WDR81: variants seen among roughly 807,000 people sequenced by gnomAD.
The protein encoded by WDR81 is WD repeat-containing protein 81.
A neutral mutation model predicts 140.8 loss-of-function variants in WDR81; 92 were observed. That is an observed-to-expected ratio of 0.65 (90% CI 0.55 to 0.78). The LOEUF (loss-of-function observed/expected upper bound fraction) is 0.78. Among genes scored for constraint, WDR81 ranks in the 30% least tolerant of loss-of-function variants. The pLI, the probability that WDR81 is intolerant of heterozygous loss-of-function variation, is 0.00. For synonymous variants in WDR81, 1,183 were observed against 1,156.4 expected (o/e 1.02, Z -0.47); for missense variants, 2,502 against 2,636.4 (o/e 0.95, Z 1.12).
upstream of WDR81, among the ~76,000 whole-genome samples, chr17:1,723,457 T>TTATTTATTTA (rs60606428): frequency 7.7e-6 from 1 of 130,538 alleles, no homozygotes; most frequent in African/African-American, 3.0e-5. Context: ...ATTTATTTAT[T>TTATTTATTTA]TTTATTTATT....
chr17:1,721,959 A>T (rs1313260226), upstream of WDR81, among the ~76,000 whole-genome samples: 4 of 152,064 alleles, frequency 2.6e-5, no homozygotes, highest in Non-Finnish European at 5.9e-5. Flanking sequence ...CCCTGTCTCT[A>T]CTAAAATACA....
Position 1,728,592 on chromosome 17 carries a change from G to A in WDR81, c.3633G>A (p.Glu1211=), listed in dbSNP as rs1173830178. 2 of 1,488,516 alleles carry A rather than the reference G, an allele frequency of 1.3e-6. No homozygotes were observed. Among genetic ancestry groups the A allele is most frequent in the Admixed American group, 4.6e-5 (2 of 43,254 alleles). 92.2% of individuals were successfully genotyped at this position (1,488,516 alleles called of 1,614,324 possible). The change falls in exon 1 of 10, where the codon GAG becomes GAA. Residue 1211 remains glutamate (E), a synonymous_variant. Transcript: ENST00000409644. The part of the protein sequence containing the change: ...DGEEEEEALP[E]QSEGKEQKIL... ...AAGAAGAGGAGGAGGCACTGCCTGA[G>A]CAGTCAGAAGGCAAAGAACAGAAGA...
At chr17:1,737,115 G>A (rs150049760) in intron 9 of WDR81, among the ~76,000 whole-genome samples, 5 of 152,336 alleles carry the variant, frequency 3.3e-5, no homozygotes, top group Admixed American at 6.5e-5. Flanking sequence ...GGTCAAGGTC[G>A]TCACGTGCAC....
At position 1,725,366 on chromosome 17, in the gene WDR81, C is replaced by G. The variant is rs1467531005; in HGVS notation, c.407C>G (p.Thr136Ser). ...GGGTCCTGCGGCCCTGAGACCCTCA[C>G]TCGCTTCATGCAGGAGGTTGCCGCC... ...EDGSCGPETL[T>S]RFMQEVAAQN... The change falls in exon 1 of 10, where the codon ACT becomes AGT. Residue 136 changes from threonine to serine, a missense_variant. Coordinates refer to ENST00000409644, the MANE Select transcript of WDR81 (RefSeq NM_001163809.2). 1.9e-6 allele frequency: 3 copies of G among 1,549,488 alleles called. No individual in the cohort carries two copies. Among genetic ancestry groups the G allele is most frequent in the Middle Eastern group, 1.7e-4 (1 of 5,992 alleles).
In WDR81 at chr17:1,725,229, C is replaced by G. The variant is rs74639548; in HGVS notation, c.270C>G (p.Leu90=). Residue 90 remains leucine (L), a synonymous_variant, in exon 1 of 10, where the codon CTC becomes CTG. Coordinates refer to ENST00000409644, the MANE Select transcript of WDR81 (RefSeq NM_001163809.2). The part of the protein sequence containing the change: ...EGLGEAEVRT[L]LQRSVQRLPA... ...TGGGAGAAGCGGAAGTCAGGACTCT[C>G]CTGCAGCGCTCTGTGCAAAGGCTGC... 1 of 1,540,636 alleles carries G rather than the reference C, an allele frequency of 6.5e-7. No homozygotes were observed. The highest frequency in any genetic ancestry group is 8.7e-7 in the Non-Finnish European group (1 of 1,146,878).
At chr17:1,723,988 T>C (rs1915039130), upstream of WDR81, among the ~76,000 whole-genome samples, 1 of 152,184 alleles carries the variant, frequency 6.6e-6, no homozygotes, top group Admixed American at 6.5e-5. Context: ...AAATGGAATG[T>C]GACTGTTGAA....
intron 1 of WDR81, among the ~76,000 whole-genome samples, chr17:1,719,404 G>A (rs1376987797): frequency 3.3e-5 from 5 of 151,630 alleles, no homozygotes; most frequent in African/African-American, 7.3e-5. Flanking sequence ...ACAATTAGCC[G>A]GGCGTGGTGG....
upstream of WDR81, chr17:1,724,558 C>G (rs1253085095): frequency 2.2e-5 from 22 of 978,596 alleles, no homozygotes; most frequent in Non-Finnish European, 2.7e-5. Context: ...CTTTCAGCCC[C>G]GGGAGGAAGC....
intron 1 of WDR81, among the ~76,000 whole-genome samples, chr17:1,730,064 G>C (rs1347068924): frequency 6.6e-6 from 1 of 152,180 alleles, no homozygotes; most frequent in Non-Finnish European, 1.5e-5. Context: ...AGGGAGTGGA[G>C]GGAAGAGAGG....
rs1426486475 is a variant in WDR81 at position 1,732,135 on chromosome 17, A to G, written c.4158-190A>G. On this transcript the variant is annotated intron_variant, in intron 4 of 9. Coordinates refer to ENST00000409644, the MANE Select transcript of WDR81 (RefSeq NM_001163809.2). ...GCCTGTAGTCCCAGCTACTCGGGAG[A>G]CTGAGGCAGGAGAATCGCTTGAACC... Among the ~76,000 whole-genome samples, 8 of 151,660 alleles carry G rather than the reference A, an allele frequency of 5.3e-5. No homozygotes were observed. In the South Asian group the frequency reaches 1.5e-3, roughly 28 times the overall value.
intron 1 of WDR81, among the ~76,000 whole-genome samples, chr17:1,717,596 T>C (rs1914647473): frequency 6.6e-6 from 1 of 152,160 alleles, no homozygotes; most frequent in Non-Finnish European, 1.5e-5. Context: ...AACAGCTGAT[T>C]GTTGGAAAGT....
rs139229909 is a variant in WDR81 at position 1,732,737 on chromosome 17, G to T, written c.4395G>T (p.Gln1465His). 1.2e-6 allele frequency: 2 copies of T among 1,612,902 alleles called. No homozygotes were observed. Among genetic ancestry groups the T allele is most frequent in the African/African-American group, 2.7e-5 (2 of 74,940 alleles). Residue 1465 changes from glutamine (Q) to histidine (H), a missense_variant, in exon 6 of 10, where the codon CAG (glutamine) becomes CAT (histidine). Gln to His is a conservative substitution (Grantham distance 24, BLOSUM62 0). Transcript: ENST00000409644. The part of the protein sequence containing the change: ...LPQVVFSDGQ[Q>H]RPVDPALLDE... ...AGGTGGTCTTCTCTGATGGGCAGCA[G>T]CGGCCCGTGGACCCCGCCCTGCTGG...
intron 1 of WDR81, among the ~76,000 whole-genome samples, chr17:1,729,603 A>C (rs1003085496): frequency 5.9e-5 from 9 of 152,154 alleles, no homozygotes; most frequent in African/African-American, 2.2e-4. Context: ...AATGGGCAAA[A>C]AGAAAGTCTG....
At chr17:1,721,438 G>A (rs1914857742), upstream of WDR81, among the ~76,000 whole-genome samples, 1 of 152,076 alleles carries the variant, frequency 6.6e-6, no homozygotes, top group African/African-American at 2.4e-5. Context: ...AGGATCACCT[G>A]AGCCTGGGGA....
rs369592315 is a variant in WDR81, at chr17:1,736,159, C to T, written c.5446C>T (p.Arg1816Cys). The change falls in exon 9 of 10, where the codon CGC (arginine) becomes TGC (cysteine). Residue 1816 changes from arginine to cysteine, a missense_variant. By Grantham distance (180) the Arg-to-Cys change is radical. This residue lies in a region of WDR81 where 1,737 missense variants were observed against 1,843.0 expected (regional missense o/e 0.94). Coordinates refer to ENST00000409644, the MANE Select transcript of WDR81 (RefSeq NM_001163809.2). ...SSGFMVLLDT[R>C]TGLVLRGWPA... ...AGGCTTCATGGTGCTCCTGGACACC[C>T]GCACAGGCCTGGTTCTGCGAGGCTG... 100 of 1,601,468 alleles carry T rather than the reference C, an allele frequency of 6.2e-5. No homozygotes were observed. The highest frequency in any genetic ancestry group is 2.5e-4 in the East Asian group (11 of 44,866).
intron 1 of WDR81, among the ~76,000 whole-genome samples, chr17:1,719,216 C>G (rs952209311): frequency 6.6e-6 from 1 of 152,206 alleles, no homozygotes; most frequent in Non-Finnish European, 1.5e-5. Flanking sequence ...GAATTCAAGC[C>G]TTGTTGTAGG....
At position 1,727,507 on chromosome 17, in the gene WDR81, C is replaced by T; in HGVS notation, c.2548C>T (p.Pro850Ser). The change falls in exon 1 of 10, where the codon CCT becomes TCT. Residue 850 changes from proline to serine, a missense_variant. Coordinates refer to ENST00000409644, the MANE Select transcript of WDR81 (RefSeq NM_001163809.2). ...GCTGGACCAACTGTTTGAGTACAGG[C>T]CTGTCTCCCAGGGCCTGCCCCCACC... ...GKLDQLFEYRPVSQGLPPPCP... is the reference protein window; with the variant it reads ...GKLDQLFEYRSVSQGLPPPCP... 1 of 1,550,404 alleles carries T rather than the reference C, an allele frequency of 6.4e-7. No homozygotes were observed. Among genetic ancestry groups the T allele is most frequent in the Non-Finnish European group, 8.7e-7 (1 of 1,146,994 alleles).
At chr17:1,722,893 C>T (rs1914950477), upstream of WDR81, among the ~76,000 whole-genome samples, 1 of 151,878 alleles carries the variant, frequency 6.6e-6, no homozygotes, top group Non-Finnish European at 1.5e-5. Context: ...TGGAGTTTCC[C>T]CAAGTTGGCC....
Position 1,727,093 on chromosome 17 carries a change from G to A in WDR81, c.2134G>A (p.Gly712Arg). 1 of 1,548,506 alleles carries A rather than the reference G, an allele frequency of 6.5e-7. No individual in the cohort carries two copies. The highest frequency in any genetic ancestry group is 8.7e-7 in the Non-Finnish European group (1 of 1,145,652). ...GAATAAAGCTGCTGGGGCAGACCCT[G>A]GGGAGGGTGAGGAGGGGAGGATTCT... The part of the protein sequence containing the change: ...RRNKAAGADP[G>R]EGEEGRILLP... The change falls in exon 1 of 10, where the codon GGG becomes AGG. Residue 712 changes from glycine (G) to arginine (R), a missense_variant. Transcript: ENST00000409644.
Sources: allele counts gnomAD v4.1 joint callset (sites outside exome capture counted in the v4.1 genomes callset), GRCh38; gene constraint gnomAD v4.1.1; regional missense constraint gnomAD v4.1.1; transcripts MANE v1.5; gene names NCBI Gene and HGNC (gene_info 2026-07-23, HGNC 2026-07-21).